RIMS2: variants seen among roughly 807,000 people sequenced by gnomAD.
RIMS2 encodes the protein regulating synaptic membrane exocytosis protein 2.
Under a neutral mutation model 174.4 loss-of-function variants are expected in RIMS2, and 59 were observed. The observed-to-expected ratio is 0.34, with a 90% CI of 0.27 to 0.42. RIMS2 has a LOEUF of 0.42. RIMS2 is among the 10% of genes least tolerant of loss of function. The pLI is 1.00. For missense variants in RIMS2, 1,620 were observed against 1,666.3 expected (o/e 0.97, Z 0.48); for synonymous variants, 606 against 572.5 (o/e 1.06, Z -0.84).
intron 1 of RIMS2, among the ~76,000 whole-genome samples, chr8:103,542,401 C>G (rs1587228171): frequency 6.6e-6 from 1 of 152,126 alleles, no homozygotes; most frequent in South Asian, 2.1e-4. Context: ...CTGAATTTTA[C>G]TAAACATGTA....
chr8:103,651,234 T>C (rs1247134615), intron 1 of RIMS2, among the ~76,000 whole-genome samples: 1 of 152,224 alleles, frequency 6.6e-6, no homozygotes, highest in Non-Finnish European at 1.5e-5. Context: ...CCAGGTGGGC[T>C]ATCGCCCTAC....
intron 3 of RIMS2, among the ~76,000 whole-genome samples, chr8:103,830,494 G>T (rs1412376046): frequency 6.6e-6 from 1 of 152,094 alleles, no homozygotes; most frequent in Non-Finnish European, 1.5e-5. Context: ...ATCTCAATCA[G>T]TTTAAATTTA....
chr8:104,155,510 T>G (rs1364023923), intron 19 of RIMS2, among the ~76,000 whole-genome samples: 2 of 144,442 alleles, frequency 1.4e-5, no homozygotes, highest in Non-Finnish European at 3.0e-5. Context: ...ATCTCCCAGG[T>G]TCATGCCATT....
intron 3 of RIMS2, among the ~76,000 whole-genome samples, chr8:103,842,116 TATTAACCTC>T (rs1486607665): frequency 6.6e-6 from 1 of 152,324 alleles, no homozygotes; most frequent in East Asian, 1.9e-4. Flanking sequence ...GAATACAGCT[TATTAACCTC>T]ATTTTAGGTA....
intron 19 of RIMS2, among the ~76,000 whole-genome samples, chr8:104,074,419 C>T (rs556511758): frequency 6.6e-6 from 1 of 151,904 alleles, no homozygotes; most frequent in African/African-American, 2.4e-5. Context: ...CTAGTAAATG[C>T]TCAATAAATA....
Position 103,975,520 on chromosome 8 carries a change from CTTATTTTA to C in RIMS2, c.2927+17_2927+24del. 1.7e-5 allele frequency: 27 copies of C among 1,603,038 alleles called. No individual in the cohort carries two copies. Among genetic ancestry groups the C allele is most frequent in the Non-Finnish European group, 2.2e-5 (26 of 1,170,970 alleles). On this transcript the variant is annotated intron_variant, in intron 16 of 23. Coordinates refer to ENST00000504942, the Ensembl canonical transcript of RIMS2. ...TCCTCCACAAAGGTAAGATAGACTA[CTTATTTTA>C]TTTGTAGGGTGGCTGTATTAGTCAG... is the stretch of plus-strand genomic sequence containing the variant.
chr8:103,535,287 C>T (rs949679978), intron 1 of RIMS2, among the ~76,000 whole-genome samples: 8 of 152,164 alleles, frequency 5.3e-5, no homozygotes, highest in Non-Finnish European at 7.4e-5. Flanking sequence ...TGCTATGCAG[C>T]CTATCGATTG....
downstream of RIMS2, chr8:104,251,869 A>AAC (rs1431000441): frequency 9.4e-6 from 11 of 1,166,028 alleles, no homozygotes; most frequent in Non-Finnish European, 1.4e-5. Flanking sequence ...CAAAAAAAAA[A>AAC]AAAAAAATCA....
chr8:103,945,749 TA>T (rs200096706), intron 14 of RIMS2, among the ~76,000 whole-genome samples: 3,842 of 136,342 alleles, frequency 0.028, 120 homozygotes, highest in African/African-American at 0.075. Flanking sequence ...CATTCACAAT[TA>T]AAAAAAAAAA....
chr8:103,671,196 A>G (rs931971815), intron 1 of RIMS2, among the ~76,000 whole-genome samples: 1 of 150,822 alleles, frequency 6.6e-6, no homozygotes, highest in African/African-American at 2.4e-5. Flanking sequence ...TATGGGGGAA[A>G]CCGCCCTCAT....
chr8:103,967,851 C>CTTTTTTTT lies in RIMS2; in HGVS notation c.2770+6731_2770+6738dup, dbSNP rs1183741701. Among the ~76,000 whole-genome samples the CTTTTTTTT allele has an allele frequency of 2.3e-3, 249 of 109,552 alleles. 3 individuals are homozygous for CTTTTTTTT. Among genetic ancestry groups the CTTTTTTTT allele is most frequent in the Non-Finnish European group, 3.9e-3 (214 of 54,696 alleles). 71.9% of individuals were successfully genotyped at this position (109,552 alleles called of 152,430 possible). ...TCTAAAATTAGTGTACCTACTCCTG[C>CTTTTTTTT]TTTTTTTTTTTTTTTTTTTTGAGAC... On this transcript the variant is annotated intron_variant, in intron 15 of 23. Transcript: ENST00000504942.
chr8:103,748,949 C>A (rs1310717181), intron 2 of RIMS2, among the ~76,000 whole-genome samples: 1 of 151,746 alleles, frequency 6.6e-6, no homozygotes, highest in Non-Finnish European at 1.5e-5. Context: ...TACAGGCATG[C>A]ACTACGAAGC....
At chr8:104,113,623 T>C (rs1316790078) in intron 19 of RIMS2, among the ~76,000 whole-genome samples, 1 of 152,036 alleles carries the variant, frequency 6.6e-6, no homozygotes, top group African/African-American at 2.4e-5. Context: ...TGGAATTGGC[T>C]CTAGTTATGC....
exon 1 of RIMS2, chr8:103,500,811 C>A: frequency 1.1e-6 from 1 of 930,838 alleles, no homozygotes; most frequent in Non-Finnish European, 1.6e-6. Context: ...GAGGCTGCCC[C>A]AGCCGCCGCG....
chr8:104,044,856 ACTAATGCATT>A, intron 19 of RIMS2, among the ~76,000 whole-genome samples: 2 of 151,872 alleles, frequency 1.3e-5, no homozygotes, highest in Middle Eastern at 6.8e-3. Flanking sequence ...ATAAATAAAG[ACTAATGCATT>A]CTCTTCCAAA....
intron 13 of RIMS2, among the ~76,000 whole-genome samples, chr8:103,942,454 A>T (rs1237476914): frequency 6.6e-6 from 1 of 152,148 alleles, no homozygotes; most frequent in African/African-American, 2.4e-5. Flanking sequence ...AATGATATAC[A>T]AATATTAGTT....
intron 3 of RIMS2, among the ~76,000 whole-genome samples, chr8:103,806,360 A>G (rs1339852092): frequency 5.3e-5 from 8 of 152,302 alleles, no homozygotes; most frequent in African/African-American, 1.7e-4. Flanking sequence ...TATAACACTA[A>G]CTTACATTTT....
At position 104,139,743 on chromosome 8, in the gene RIMS2, T is replaced by C. The variant is rs919612852; in HGVS notation, c.3335-105173T>C. On this transcript the variant is annotated intron_variant, in intron 19 of 23. Transcript: ENST00000504942. ...TTGACTTCTTTCTTTCCAATTTGGA[T>C]GCCCTTTGTTTATTTCTCTTGTCTG... Among the ~76,000 whole-genome samples the C allele has an allele frequency of 2.9e-4, 44 of 152,336 alleles. 1 individual carries two copies. Among genetic ancestry groups the C allele is most frequent in the Admixed American group, 6.5e-5 (1 of 15,290 alleles).
intron 1 of RIMS2, among the ~76,000 whole-genome samples, chr8:103,638,855 T>C (rs1002051966): frequency 1.3e-5 from 2 of 152,108 alleles, no homozygotes; most frequent in African/African-American, 4.8e-5. Flanking sequence ...CTTGTATATA[T>C]AAACTTGTGT....
Sources: allele counts gnomAD v4.1 joint callset (sites outside exome capture counted in the v4.1 genomes callset), GRCh38; gene constraint gnomAD v4.1.1; transcripts MANE v1.5; gene names NCBI Gene and HGNC (gene_info 2026-07-23, HGNC 2026-07-21).